WIPF2: variants seen among roughly 807,000 people sequenced by gnomAD.
WIPF2 encodes the protein WAS/WASL interacting protein family member 2.
A neutral mutation model predicts 38.8 loss-of-function variants in WIPF2; 23 were observed. The ratio of observed to expected loss-of-function variants is 0.59; its 90% CI spans 0.43 to 0.84. The LOEUF (loss-of-function observed/expected upper bound fraction) is 0.84. Among genes scored for constraint, WIPF2 ranks in the 40% least tolerant of loss-of-function variants. The pLI, the probability that WIPF2 is intolerant of heterozygous loss-of-function variation, is 0.00. For missense variants in WIPF2, 574 were observed against 580.5 expected, an observed-to-expected ratio of 0.99 and a Z score of 0.11; for synonymous variants, 210 against 223.2, an observed-to-expected ratio of 0.94 and a Z score of 0.53.
At position 40,282,903 on chromosome 17, in the gene WIPF2, T is replaced by C. The variant is rs117358630; in HGVS notation, c.*4678T>C. The C allele has an allele frequency of 1.5e-3, 229 of 152,168 alleles. No homozygotes were observed. Among genetic ancestry groups the C allele is most frequent in the Middle Eastern group, 6.8e-3 (2 of 294 alleles). 9.4% of individuals were successfully genotyped at this position (152,168 alleles called of 1,614,324 possible). On this transcript the variant is annotated 3_prime_UTR_variant, in exon 8 of 8. Coordinates refer to ENST00000323571, the MANE Select transcript of WIPF2 (RefSeq NM_133264.5). ...TGTATTTTGAAAATTACAGTTCTAGTTGGCTGGGCGCGATGGCTCATGTCT... is the reference window on the plus strand; with the variant it reads ...TGTATTTTGAAAATTACAGTTCTAGCTGGCTGGGCGCGATGGCTCATGTCT...
chr17:40,257,928 A>C (rs2031780465), intron 2 of WIPF2, among the ~76,000 whole-genome samples: 1 of 152,164 alleles, frequency 6.6e-6, no homozygotes, highest in Admixed American at 6.5e-5. Flanking sequence ...TTGTACCCCG[A>C]AGAGGAAAAG....
At chr17:40,230,626 A>C (rs1360646429) in intron 1 of WIPF2, among the ~76,000 whole-genome samples, 1 of 152,170 alleles carries the variant, frequency 6.6e-6, no homozygotes, top group Non-Finnish European at 1.5e-5. Context: ...GATTAGGCTT[A>C]TTGGGGAACA....
At chr17:40,230,322 A>G (rs950368472) in intron 1 of WIPF2, among the ~76,000 whole-genome samples, 1 of 152,202 alleles carries the variant, frequency 6.6e-6, no homozygotes, top group African/African-American at 2.4e-5. Context: ...CCTCGGAGAC[A>G]GAGTGAGACC....
chr17:40,266,740 G>A (rs2032100096), intron 5 of WIPF2, among the ~76,000 whole-genome samples: 1 of 152,068 alleles, frequency 6.6e-6, no homozygotes, highest in Non-Finnish European at 1.5e-5. Context: ...ATGAAACTTA[G>A]GAGAGAGGGA....
chr17:40,278,302 A>C lies in WIPF2; in HGVS notation c.*77A>C. The C allele has an allele frequency of 6.5e-7, 1 of 1,540,820 alleles. No individual in the cohort carries two copies. Among genetic ancestry groups the C allele is most frequent in the African/African-American group, 1.4e-5 (1 of 73,264 alleles). ...CAGATGGTCCCTTCCATTCCCCTGA[A>C]ACCTGCATGAGAGCTCCTAACATGT... On this transcript the variant is annotated 3_prime_UTR_variant, in exon 8 of 8. Coordinates refer to ENST00000323571, the MANE Select transcript of WIPF2 (RefSeq NM_133264.5).
chr17:40,260,503 T>C (rs760245812), intron 2 of WIPF2, 32 bp from the exon 3 acceptor site: 4 of 1,611,874 alleles, frequency 2.5e-6, no homozygotes, highest in Admixed American at 1.7e-5. Flanking sequence ...GGGAACTCTT[T>C]AGGGTGAACT....
intron 1 of WIPF2, among the ~76,000 whole-genome samples, chr17:40,235,569 CTTTTT>C (rs777748624): frequency 8.3e-6 from 1 of 119,898 alleles, no homozygotes; most frequent in Non-Finnish European, 1.7e-5. Context: ...GAGAGTGAGA[CTTTTT>C]TTTTTTTTTT....
chr17:40,230,911 C>T (rs573613473), intron 1 of WIPF2, among the ~76,000 whole-genome samples: 4 of 152,232 alleles, frequency 2.6e-5, no homozygotes, highest in East Asian at 3.9e-4. Context: ...TTGTTGGACA[C>T]GCAAGGTAGC....
chr17:40,240,526 T>A (rs1430265331), intron 1 of WIPF2, among the ~76,000 whole-genome samples: 1 of 151,984 alleles, frequency 6.6e-6, no homozygotes, highest in South Asian at 2.1e-4. Flanking sequence ...TTTTTTTTTT[T>A]ACTTTTGTGA....
intron 1 of WIPF2, among the ~76,000 whole-genome samples, chr17:40,221,300 C>CAAG (rs1391282873): frequency 2.0e-5 from 3 of 152,020 alleles, no homozygotes; most frequent in Non-Finnish European, 4.4e-5. Flanking sequence ...TAAATAACTT[C>CAAG]AAGGCAAATT....
At chr17:40,241,530 G>C (rs905485634) in intron 1 of WIPF2, among the ~76,000 whole-genome samples, 3 of 152,106 alleles carry the variant, frequency 2.0e-5, no homozygotes, top group African/African-American at 7.2e-5. Flanking sequence ...ATAACTTTGG[G>C]CTTGTGTGAC....
chr17:40,220,602 TA>T (rs1567705815), intron 1 of WIPF2: 13 of 94,060 alleles, frequency 1.4e-4, no homozygotes, highest in East Asian at 4.5e-4. Context: ...TATATATATA[TA>T]TATATATATA....
chr17:40,234,300 A>G (rs545305181), intron 1 of WIPF2, among the ~76,000 whole-genome samples: 1 of 151,922 alleles, frequency 6.6e-6, no homozygotes, highest in East Asian at 1.9e-4. Flanking sequence ...CGGGAGGCGC[A>G]TGCCTGTAGT....
intron 5 of WIPF2, among the ~76,000 whole-genome samples, chr17:40,267,057 A>G (rs970231976): frequency 6.6e-6 from 1 of 152,138 alleles, no homozygotes; most frequent in African/African-American, 2.4e-5. Context: ...GAGAAGAGGC[A>G]TGAAATGGTC....
intron 1 of WIPF2, among the ~76,000 whole-genome samples, chr17:40,228,983 G>A (rs1162428548): frequency 3.3e-5 from 5 of 150,756 alleles, no homozygotes; most frequent in Non-Finnish European, 5.9e-5. Flanking sequence ...GGCTCACTGC[G>A]ACCTCCACCT....
At chr17:40,272,142 TC>T in intron 5 of WIPF2, among the ~76,000 whole-genome samples, 1 of 151,824 alleles carries the variant, frequency 6.6e-6, no homozygotes, top group East Asian at 1.9e-4. Context: ...GCCTCAGCCT[TC>T]CGAGTAGCTG....
chr17:40,222,399 T>G (rs2030276397), intron 1 of WIPF2, among the ~76,000 whole-genome samples: 1 of 150,880 alleles, frequency 6.6e-6, no homozygotes, highest in Non-Finnish European at 1.5e-5. Context: ...GGCTCATGCC[T>G]ATAATCCCAA....
chr17:40,240,613 C>T (rs2031155020), intron 1 of WIPF2, among the ~76,000 whole-genome samples: 1 of 151,632 alleles, frequency 6.6e-6, no homozygotes, highest in South Asian at 2.1e-4. Context: ...GTCTCCTTTC[C>T]CAGTTTTTTT....
intron 1 of WIPF2, among the ~76,000 whole-genome samples, chr17:40,239,937 TCCAC>T (rs1054432358): frequency 6.6e-6 from 1 of 152,092 alleles, no homozygotes; most frequent in Non-Finnish European, 1.5e-5. Flanking sequence ...CCTCAGGTGT[TCCAC>T]CCACCTTGGC....
Sources: allele counts gnomAD v4.1 joint callset (sites outside exome capture counted in the v4.1 genomes callset), GRCh38; gene constraint gnomAD v4.1.1; transcripts MANE v1.5; gene names NCBI Gene and HGNC (gene_info 2026-07-23, HGNC 2026-07-21).